ZNF530: variants seen among roughly 807,000 people sequenced by gnomAD.
ZNF530 encodes the protein zinc finger protein 530.
ZNF530 carries 5 observed loss-of-function variants against 2.8 expected under a neutral mutation model. The ratio of observed to expected loss-of-function variants is 1.80; its 90% CI spans 0.94 to 3.78. The LOEUF (loss-of-function observed/expected upper bound fraction) is 3.78. Among genes scored for constraint, ZNF530 ranks in the 30% most tolerant of loss-of-function variants. The probability of loss-of-function intolerance (pLI) is 0.00; values close to 1 mark genes in which losing one functional copy is unlikely to be tolerated. For synonymous variants in ZNF530, 229 were observed against 235.0 expected (o/e 0.97, Z 0.23); for missense variants, 619 against 673.3 (o/e 0.92, Z 0.89).
At chr19:57,603,226 G>A (rs1171523346) in intron 2 of ZNF530, among the ~76,000 whole-genome samples, 3 of 152,176 alleles carry the variant, frequency 2.0e-5, no homozygotes, top group Non-Finnish European at 4.4e-5. Context: ...ATTCACTATT[G>A]CGAGAACAGC....
At position 57,606,253 on chromosome 19, in the gene ZNF530, A is replaced by C; in HGVS notation, c.629A>C (p.Glu210Ala). 1 of 1,614,222 alleles carries C rather than the reference A, an allele frequency of 6.2e-7. No homozygotes were observed. Among genetic ancestry groups the C allele is most frequent in the African/African-American group, 1.3e-5 (1 of 75,050 alleles). Residue 210 changes from glutamate (E) to alanine (A), a missense_variant, in exon 4 of 4, where the codon GAA becomes GCA. Physicochemically the swap from Glu to Ala is moderately radical, Grantham distance 107. Transcript: ENST00000597700. Reference protein sequence around the residue: ...DSGERPYKCSECGKSFSQSSG... With the variant: ...DSGERPYKCSACGKSFSQSSG... Reference sequence around the variant, plus strand: ...GGAGAAAGGCCTTACAAGTGCAGTGAATGTGGGAAATCCTTTAGTCAAAGT... The same window carrying C: ...GGAGAAAGGCCTTACAAGTGCAGTGCATGTGGGAAATCCTTTAGTCAAAGT...
At chr19:57,604,455 C>T (rs981513630) in intron 3 of ZNF530, 49 bp downstream of exon 3, 1 of 1,585,928 alleles carries the variant, frequency 6.3e-7, no homozygotes, top group Non-Finnish European at 8.6e-7. Flanking sequence ...CTCTCCTTTT[C>T]CCCTGTCCCT....
rs755438335 is a variant in ZNF530 at position 57,601,202 on chromosome 19, G to A, written c.-70+423G>A. 1.1e-4 allele frequency among the ~76,000 whole-genome samples: 16 copies of A among 152,304 alleles called. No homozygotes were observed. The Middle Eastern group carries it at 0.01, about 97-fold the overall frequency. On this transcript the variant is annotated intron_variant, in intron 2 of 3. Transcript: ENST00000597700. ...CCCCAGGCCTCATGAGGCTCCTGTG[G>A]CTGAGCACAGACAACAGACTGTGGG...
rs1050747040 is a variant in ZNF530, at chr19:57,608,141, T to C, written c.*816T>C. On this transcript the variant is annotated 3_prime_UTR_variant, in exon 4 of 4. Transcript: ENST00000597700. The stretch of plus-strand genomic sequence containing the variant: ...AGTTCTGCTGGCAGCTTCCAGAGGA[T>C]TGCCTTTTTTGAGGACATTGTTGAT... The C allele has an allele frequency of 6.6e-6, 1 of 152,230 alleles. No individual in the cohort carries two copies. The highest frequency in any genetic ancestry group is 6.5e-5 in the Admixed American group (1 of 15,282). 9.4% of individuals were successfully genotyped at this position (152,230 alleles called of 1,614,324 possible). A position where few individuals can be genotyped will look rare whatever the true frequency, so the allele number is the denominator to read the frequency against.
At position 57,609,622 on chromosome 19, in the gene ZNF530, C is replaced by T. The variant is rs1051818676; in HGVS notation, c.*2297C>T. Among the ~76,000 whole-genome samples the T allele has an allele frequency of 2.0e-5, 3 of 152,068 alleles. No individual in the cohort carries two copies. The highest frequency in any genetic ancestry group is 6.6e-5 in the Admixed American group (1 of 15,262). ...TGCACTTCGGCCTGGGCAACAACAG[C>T]GAAACTCTGTCTCAAAAAAAAAGTA... On this transcript the variant is annotated 3_prime_UTR_variant, in exon 4 of 4. Transcript: ENST00000597700.
rs1980339393 is a variant in ZNF530 at position 57,603,349 on chromosome 19, A to T, written c.-69-928A>T. On this transcript the variant is annotated intron_variant, in intron 2 of 3. Transcript: ENST00000597700. ...TGAGATTTGGGTGGAGACACAGCCAAACCATATTAGAGACATAATGGGATT... is the reference window on the plus strand; with the variant it reads ...TGAGATTTGGGTGGAGACACAGCCATACCATATTAGAGACATAATGGGATT... Among the ~76,000 whole-genome samples, 3 of 152,230 alleles carry T rather than the reference A, an allele frequency of 2.0e-5. No individual in the cohort carries two copies. The South Asian group carries it at 6.2e-4, about 32-fold the overall frequency.
Position 57,606,627 on chromosome 19 carries a change from C to G in ZNF530, c.1003C>G (p.Arg335Gly), listed in dbSNP as rs766100142. 6.2e-6 allele frequency: 10 copies of G among 1,613,978 alleles called. No homozygotes were observed. Among genetic ancestry groups the G allele is most frequent in the Admixed American group, 1.7e-5 (1 of 59,986 alleles). Residue 335 changes from arginine to glycine, a missense_variant, in exon 4 of 4, where the codon CGA (arginine) becomes GGA (glycine). Coordinates refer to ENST00000597700, the MANE Select transcript of ZNF530 (RefSeq NM_001321981.2). ...CTTTAGCCATAGCACTAACCTCTTT[C>G]GACACTGGAGAGTTCACACTGGAGT... ...KSFSHSTNLFRHWRVHTGVRP... is the reference protein window; with the variant it reads ...KSFSHSTNLFGHWRVHTGVRP...
rs1413011118 is a variant in ZNF530, at chr19:57,606,079, A to G, written c.455A>G (p.Gln152Arg). The G allele has an allele frequency of 6.2e-7, 1 of 1,614,110 alleles. No individual in the cohort carries two copies. Among genetic ancestry groups the G allele is most frequent in the Non-Finnish European group, 8.5e-7 (1 of 1,180,048 alleles). ...TTTTCAGCCACCTCAGGACTTCTCC[A>G]GCATCAGGTGACTCCCACCATTGAG... ...RDFSATSGLLQHQVTPTIERP... is the reference protein window; with the variant it reads ...RDFSATSGLLRHQVTPTIERP... The change falls in exon 4 of 4, where the codon CAG becomes CGG. Residue 152 changes from glutamine (Q) to arginine (R), a missense_variant. By Grantham distance (43) the Gln-to-Arg change is conservative. Coordinates refer to ENST00000597700, the MANE Select transcript of ZNF530 (RefSeq NM_001321981.2).
At position 57,605,865 on chromosome 19, in the gene ZNF530, T is replaced by A. The variant is rs1489853947; in HGVS notation, c.241T>A (p.Cys81Ser). ...AATGATTGAGCTCCATGCCTCACCC[T>A]GTGGACAGAAATTGTACTTGGGTGG... ...LQMIELHASP[C>S]GQKLYLGGAS... Residue 81 changes from cysteine (C) to serine (S), a missense_variant, in exon 4 of 4, where the codon TGT becomes AGT. Cys to Ser is a moderately radical substitution (Grantham distance 112, BLOSUM62 -1). Coordinates refer to ENST00000597700, the MANE Select transcript of ZNF530 (RefSeq NM_001321981.2). 5 of 1,614,098 alleles carry A rather than the reference T, an allele frequency of 3.1e-6. No individual in the cohort carries two copies. Among genetic ancestry groups the A allele is most frequent in the Non-Finnish European group, 4.2e-6 (5 of 1,180,048 alleles).
rs778454251 is a variant in ZNF530, at chr19:57,606,127, A to T, written c.503A>T (p.His168Leu). The part of the protein sequence containing the change: ...TIERPHSRIR[H>L]LRVPTGRKPL... The stretch of plus-strand genomic sequence containing the variant: ...GAGAGACCACACAGCAGGATTAGAC[A>T]CTTGAGAGTTCCCACTGGACGAAAG... Residue 168 changes from histidine (H) to leucine (L), a missense_variant, in exon 4 of 4, where the codon CAC (histidine) becomes CTC (leucine). Physicochemically the swap from His to Leu is moderately conservative, Grantham distance 99 (BLOSUM62 -3). Coordinates refer to ENST00000597700, the MANE Select transcript of ZNF530 (RefSeq NM_001321981.2). 6.2e-7 allele frequency: 1 copy of T among 1,614,240 alleles called. No homozygotes were observed. The highest frequency in any genetic ancestry group is 8.5e-7 in the Non-Finnish European group (1 of 1,180,046).
At position 57,606,124 on chromosome 19, in the gene ZNF530, G is replaced by A. The variant is rs766139989; in HGVS notation, c.500G>A (p.Arg167Lys). 10 of 1,614,230 alleles carry A rather than the reference G, an allele frequency of 6.2e-6. No homozygotes were observed. In the South Asian group the frequency reaches 1.1e-4, roughly 18 times the overall value. Residue 167 changes from arginine to lysine, a missense_variant, in exon 4 of 4, where the codon AGA (arginine) becomes AAA (lysine). By Grantham distance (26) the Arg-to-Lys change is conservative. Transcript: ENST00000597700. ...PTIERPHSRI[R>K]HLRVPTGRKP... ...ATTGAGAGACCACACAGCAGGATTA[G>A]ACACTTGAGAGTTCCCACTGGACGA... is the stretch of plus-strand genomic sequence containing the variant.
At position 57,606,402 on chromosome 19, in the gene ZNF530, A is replaced by G; in HGVS notation, c.778A>G (p.Arg260Gly). The change falls in exon 4 of 4, where the codon AGG becomes GGG. Residue 260 changes from arginine to glycine, a missense_variant. Coordinates refer to ENST00000597700, the MANE Select transcript of ZNF530 (RefSeq NM_001321981.2). ...ACACCAAAGAGTTCACACTGGAGAAAGGCCTTATGACTGCAGTGAATGTGG... is the reference window on the plus strand; with the variant it reads ...ACACCAAAGAGTTCACACTGGAGAAGGGCCTTATGACTGCAGTGAATGTGG... ...TQHQRVHTGERPYDCSECGKS... is the reference protein window; with the variant it reads ...TQHQRVHTGEGPYDCSECGKS... 26 of 1,613,998 alleles carry G rather than the reference A, an allele frequency of 1.6e-5. No individual in the cohort carries two copies. Among genetic ancestry groups the G allele is most frequent in the Non-Finnish European group, 2.1e-5 (25 of 1,180,014 alleles).
chr19:57,600,226 C>T, intron 1 of ZNF530, 92 bp downstream of exon 1: 2 of 1,399,870 alleles, frequency 1.4e-6, no homozygotes, highest in Non-Finnish European at 1.9e-6. Context: ...CCGCACTGTC[C>T]GGCACAGTGA....
chr19:57,602,729 C>T (rs1390494892), intron 2 of ZNF530, among the ~76,000 whole-genome samples: 1 of 152,138 alleles, frequency 6.6e-6, no homozygotes, highest in Non-Finnish European at 1.5e-5. Flanking sequence ...TAAAGACATA[C>T]CTGAGACTGG....
In ZNF530 at chr19:57,608,694, A is replaced by T. The variant is rs1279353199; in HGVS notation, c.*1369A>T. The T allele has an allele frequency of 1.3e-5, 2 of 152,182 alleles. No individual in the cohort carries two copies. The highest frequency in any genetic ancestry group is 2.9e-5 in the Non-Finnish European group (2 of 68,042). The allele number at this position is 152,182 out of a possible 1,614,324, so 9.4% of individuals were successfully genotyped here. A position where few individuals can be genotyped will look rare whatever the true frequency, so the allele number is the denominator to read the frequency against. ...AGTGAGCTAGTGTCCCTAGCTATAA[A>T]ACCATGGGGCTGGAGCGAAACATAA... On this transcript the variant is annotated 3_prime_UTR_variant, in exon 4 of 4. Coordinates refer to ENST00000597700, the MANE Select transcript of ZNF530 (RefSeq NM_001321981.2).
At position 57,606,333 on chromosome 19, in the gene ZNF530, A is replaced by G; in HGVS notation, c.709A>G (p.Ser237Gly). Residue 237 changes from serine to glycine, a missense_variant, in exon 4 of 4, where the codon AGT becomes GGT. Physicochemically the swap from Ser to Gly is moderately conservative, Grantham distance 56 (BLOSUM62 0). Coordinates refer to ENST00000597700, the MANE Select transcript of ZNF530 (RefSeq NM_001321981.2). Reference protein sequence around the residue: ...AHGRTRTHECSECGKSFSRKT... With the variant: ...AHGRTRTHECGECGKSFSRKT... ...CGGTAGAACAAGGACTCATGAATGTAGTGAATGTGGGAAATCATTTAGTCG... is the reference window on the plus strand; with the variant it reads ...CGGTAGAACAAGGACTCATGAATGTGGTGAATGTGGGAAATCATTTAGTCG... 1 of 1,614,226 alleles carries G rather than the reference A, an allele frequency of 6.2e-7. No individual in the cohort carries two copies.
chr19:57,601,587 C>A (rs1980243799), intron 2 of ZNF530, among the ~76,000 whole-genome samples: 1 of 152,152 alleles, frequency 6.6e-6, no homozygotes, highest in South Asian at 2.1e-4. Context: ...ACACACAGGT[C>A]TTGGACTCTG....
At position 57,607,600 on chromosome 19, in the gene ZNF530, C is replaced by A; in HGVS notation, c.*275C>A. Reference sequence around the variant, plus strand: ...CCTCAGGTAATCCACCTGCTTCAGCCTACCAAAGTGCTGGGATTACAGGCG... The same window carrying A: ...CCTCAGGTAATCCACCTGCTTCAGCATACCAAAGTGCTGGGATTACAGGCG... On this transcript the variant is annotated 3_prime_UTR_variant, in exon 4 of 4. Coordinates refer to ENST00000597700, the MANE Select transcript of ZNF530 (RefSeq NM_001321981.2). 1 of 389,064 alleles carries A rather than the reference C, an allele frequency of 2.6e-6. No homozygotes were observed. Among genetic ancestry groups the A allele is most frequent in the Non-Finnish European group, 4.6e-6 (1 of 216,012 alleles). The allele number at this position is 389,064 out of a possible 1,614,324, so 24.1% of individuals were successfully genotyped here.
Position 57,609,733 on chromosome 19 carries a change from C to G in ZNF530, c.*2408C>G, listed in dbSNP as rs73573446. On this transcript the variant is annotated 3_prime_UTR_variant, in exon 4 of 4. Transcript: ENST00000597700. ...GTGTGTCTTGTAGCTCAAGTTATTA[C>G]TAGAGACAACAAGGGTTTTGTGGAT... Among the ~76,000 whole-genome samples the G allele has an allele frequency of 7.4e-3, 1,130 of 152,196 alleles. 15 individuals carry two copies. The highest frequency in any genetic ancestry group is 0.026 in the African/African-American group (1,071 of 41,550).
Sources: gnomAD v4.1 joint callset for allele counts (sites outside exome capture counted in the v4.1 genomes callset) on GRCh38, gnomAD v4.1.1 for gene constraint, MANE v1.5 for transcripts, NCBI Gene and HGNC (gene_info 2026-07-23, HGNC 2026-07-21) for gene names.